Variants in SLC25A10 observed in about 807,000 individuals in gnomAD.
The protein encoded by SLC25A10 is mitochondrial dicarboxylate carrier.
In SLC25A10, 32 loss-of-function variants were observed where a neutral mutation model predicts 40.4. The observed-to-expected ratio is 0.79, with a 90% CI of 0.60 to 1.06. The LOEUF is 1.06. Ranked by LOEUF, SLC25A10 falls within the 50% of genes least tolerant of loss-of-function variation. The pLI, the probability that SLC25A10 is intolerant of heterozygous loss-of-function variation, is 0.00. For synonymous variants in SLC25A10, 181 were observed against 171.1 expected, an observed-to-expected ratio of 1.06 and a Z score of -0.45; for missense variants, 394 against 402.6, an observed-to-expected ratio of 0.98 and a Z score of 0.18.
In SLC25A10 at chr17:81,718,935, C is replaced by T. The variant is rs561701214; in HGVS notation, c.706-896C>T. On this transcript the variant is annotated intron_variant, in intron 9 of 10. Coordinates refer to ENST00000350690, the MANE Select transcript of SLC25A10 (RefSeq NM_012140.5). ...CTGCACTCCAGCCTGGATGACAGAG[C>T]GAGACTCTGTCTTAAAAAAACAAAA... Among the ~76,000 whole-genome samples, 7 of 151,390 alleles carry T rather than the reference C, an allele frequency of 4.6e-5. No homozygotes were observed. In the East Asian group the frequency reaches 9.7e-4, roughly 21 times the overall value.
chr17:81,715,919 C>T (rs574915076), intron 4 of SLC25A10, 90 bp from the exon 5 acceptor site: 6 of 1,465,628 alleles, frequency 4.1e-6, no homozygotes, highest in South Asian at 3.6e-5. Context: ...TCCTGTGGGC[C>T]CCGCTGACCA....
intron 5 of SLC25A10, 23 bp downstream of exon 5, chr17:81,716,073 G>A (rs370097437): frequency 2.1e-5 from 33 of 1,586,418 alleles, no homozygotes; most frequent in Admixed American, 7.1e-5. Context: ...CGGCCTTCTC[G>A]GGGTGGTTGA....
chr17:81,720,420 GC>G lies in SLC25A10; in HGVS notation c.*348del. The G allele has an allele frequency of 7.3e-7, 1 of 1,372,206 alleles. No individual in the cohort carries two copies. The allele number at this position is 1,372,206 out of a possible 1,614,324, so 85.0% of individuals were successfully genotyped here. A position where few individuals can be genotyped will look rare whatever the true frequency, so the allele number is the denominator to read the frequency against. On this transcript the variant is annotated 3_prime_UTR_variant, in exon 11 of 11. Coordinates refer to ENST00000350690, the MANE Select transcript of SLC25A10 (RefSeq NM_012140.5). ...GGGAGGGGTATTATCCCTGCCTCCT[GC>G]CCCCGATGCCCAAAGCAGCATCTTC...
At chr17:81,715,966 C>A in intron 4 of SLC25A10, 43 bp from the exon 5 acceptor site, 1 of 1,547,486 alleles carries the variant, frequency 6.5e-7, no homozygotes, top group Non-Finnish European at 8.8e-7. Context: ...CTGCCCATGC[C>A]CCTCGGCCCG....
chr17:81,712,606 C>T, intron 1 of SLC25A10, 87 bp downstream of exon 1: 1 of 949,760 alleles, frequency 1.1e-6, no homozygotes, highest in Non-Finnish European at 1.4e-6. Flanking sequence ...CCCACGCACC[C>T]GGGGATCGCC....
chr17:81,717,348 CCCCA>C lies in SLC25A10; in HGVS notation c.535-50_535-47del, dbSNP rs1225943646. ...TGTCGCCTGGGGCCCTGTGTGCTTTCCCCAAGCTGGGGTCCCCCCTACAGCCCTG... is the reference window on the plus strand; with the variant it reads ...TGTCGCCTGGGGCCCTGTGTGCTTTCAGCTGGGGTCCCCCCTACAGCCCTG... On this transcript the variant is annotated intron_variant, in intron 7 of 10. Coordinates refer to ENST00000350690, the MANE Select transcript of SLC25A10 (RefSeq NM_012140.5). The C allele has an allele frequency of 6.3e-6, 10 of 1,577,320 alleles. No individual in the cohort carries two copies. The African/African-American group carries it at 8.1e-5, about 13-fold the overall frequency.
chr17:81,717,773 C>T lies in SLC25A10; in HGVS notation c.628-11C>T, dbSNP rs774116553. 1.2e-6 allele frequency: 2 copies of T among 1,610,098 alleles called. No individual in the cohort carries two copies. Among genetic ancestry groups the T allele is most frequent in the Non-Finnish European group, 1.7e-6 (2 of 1,179,074 alleles). On this transcript the variant is annotated splice_polypyrimidine_tract_variant and intron_variant, in intron 8 of 10. Transcript: ENST00000350690. ...ACCTGACAGGCCGCTGGTGACGAGCCCCCTCCTCAGGGTGGATGTGCCACG... is the reference window on the plus strand; with the variant it reads ...ACCTGACAGGCCGCTGGTGACGAGCTCCCTCCTCAGGGTGGATGTGCCACG...
At chr17:81,718,046 T>C (rs1301214663) in intron 9 of SLC25A10, among the ~76,000 whole-genome samples, 185 bp downstream of exon 9, 1 of 152,180 alleles carries the variant, frequency 6.6e-6, no homozygotes, top group East Asian at 1.9e-4. Flanking sequence ...TTGTTTTTGT[T>C]TTTAGAGAAG....
chr17:81,714,100 C>T (rs1302100305), intron 1 of SLC25A10, among the ~76,000 whole-genome samples: 1 of 152,226 alleles, frequency 6.6e-6, no homozygotes, highest in African/African-American at 2.4e-5. Flanking sequence ...TGGGAGGCCC[C>T]TCTCTGTCCC....
In SLC25A10 at chr17:81,715,921, C is replaced by T. The variant is rs776043934; in HGVS notation, c.378-88C>T. On this transcript the variant is annotated intron_variant, in intron 4 of 10. Transcript: ENST00000350690. ...CCGGCGTGCCCTGTCCTGTGGGCCC[C>T]GCTGACCAGCGTGAGCTCCCCTGTG... 223 of 1,475,048 alleles carry T rather than the reference C, an allele frequency of 1.5e-4. 1 individual carries two copies. The highest frequency in any genetic ancestry group is 2.0e-4 in the Middle Eastern group (1 of 4,902). 91.4% of individuals were successfully genotyped at this position (1,475,048 alleles called of 1,614,324 possible). A position where few individuals can be genotyped will look rare whatever the true frequency, so the allele number is the denominator to read the frequency against.
At position 81,717,950 on chromosome 17, in the gene SLC25A10, C is replaced by T. The variant is rs367820091; in HGVS notation, c.705+89C>T. 5.0e-5 allele frequency: 49 copies of T among 971,310 alleles called. 1 individual carries two copies. The highest frequency in any genetic ancestry group is 5.0e-4 in the South Asian group (36 of 72,318). The allele number at this position is 971,310 out of a possible 1,614,324, so 60.2% of individuals were successfully genotyped here. ...GGGGTGGACACTCGCACTGGGGACC[C>T]GGGGAAGGGTGTCCCTCCCTTCTAG... On this transcript the variant is annotated intron_variant, in intron 9 of 10. Coordinates refer to ENST00000350690, the MANE Select transcript of SLC25A10 (RefSeq NM_012140.5).
At chr17:81,717,138 G>GC (rs1198623614) in intron 7 of SLC25A10, 66 bp downstream of exon 7, 1 of 1,550,186 alleles carries the variant, frequency 6.5e-7, no homozygotes, top group African/African-American at 1.4e-5. Context: ...CTTCAGAGGG[G>GC]CCATAGAACA....
chr17:81,717,341 G>GTGCT lies in SLC25A10; in HGVS notation c.535-56_535-53dup, dbSNP rs2037507117. On this transcript the variant is annotated intron_variant, in intron 7 of 10. Transcript: ENST00000350690. ...CAGGTGGTGTCGCCTGGGGCCCTGT[G>GTGCT]TGCTTTCCCCAAGCTGGGGTCCCCC... 8 of 1,549,438 alleles carry GTGCT rather than the reference G, an allele frequency of 5.2e-6. No homozygotes were observed. The South Asian group carries it at 7.8e-5, about 15-fold the overall frequency.
intron 8 of SLC25A10, 98 bp from the exon 9 acceptor site, chr17:81,717,686 C>A: frequency 6.9e-7 from 1 of 1,443,354 alleles, no homozygotes; most frequent in Non-Finnish European, 9.5e-7. Context: ...GTTCCTGGCC[C>A]GCCCTAGGAG....
intron 9 of SLC25A10, 36 bp from the exon 10 acceptor site, chr17:81,719,795 G>A (rs1292899682): frequency 6.2e-7 from 1 of 1,610,588 alleles, no homozygotes; most frequent in Non-Finnish European, 8.5e-7. Flanking sequence ...TGGGTGAGAA[G>A]CAGCCTTTTT....
intron 7 of SLC25A10, 65 bp downstream of exon 7, chr17:81,717,137 G>C: frequency 6.4e-7 from 1 of 1,553,590 alleles, no homozygotes; most frequent in Non-Finnish European, 8.9e-7. Context: ...TCTTCAGAGG[G>C]GCCATAGAAC....
chr17:81,715,879 G>A, intron 4 of SLC25A10, 130 bp from the exon 5 acceptor site: 3 of 1,421,392 alleles, frequency 2.1e-6, no homozygotes, highest in Non-Finnish European at 2.9e-6. Flanking sequence ...GCATAGGAGG[G>A]TGGGTGTCCC....
At chr17:81,715,641 C>G in intron 3 of SLC25A10, 49 bp downstream of exon 3, 2 of 1,612,592 alleles carry the variant, frequency 1.2e-6, no homozygotes, top group Non-Finnish European at 8.5e-7. Context: ...TCAGGTCGGC[C>G]GAGGACGCCG....
At chr17:81,715,334 C>T (rs112237033) in intron 2 of SLC25A10, 144 bp from the exon 3 acceptor site, 20 of 828,064 alleles carry the variant, frequency 2.4e-5, no homozygotes, top group South Asian at 1.3e-4. Flanking sequence ...CTGGCTCAGC[C>T]GCATGCTGGC....
Sources: allele counts gnomAD v4.1 joint callset (sites outside exome capture counted in the v4.1 genomes callset), GRCh38; gene constraint gnomAD v4.1.1; transcripts MANE v1.5; gene names NCBI Gene and HGNC (gene_info 2026-07-23, HGNC 2026-07-21).